Variants in STAU1 observed in about 807,000 individuals in gnomAD.
STAU1 encodes staufen double-stranded RNA binding protein 1.
Under a neutral mutation model 62.9 loss-of-function variants are expected in STAU1, and 13 were observed. The ratio of observed to expected loss-of-function variants is 0.21; its 90% confidence interval spans 0.13 to 0.33. The LOEUF (loss-of-function observed/expected upper bound fraction) is 0.33. Among genes scored for constraint, STAU1 ranks in the 10% least tolerant of loss-of-function variants. The pLI, the probability that STAU1 is intolerant of heterozygous loss-of-function variation, is 1.00. For missense variants in STAU1, 571 were observed against 712.1 expected (o/e 0.80, Z 2.25); for synonymous variants, 269 against 265.1 (o/e 1.01, Z -0.14).
At chr20:49,139,489 C>A (rs2092960581) in intron 5 of STAU1, among the ~76,000 whole-genome samples, 1 of 152,130 alleles carries the variant, frequency 6.6e-6, no homozygotes, top group Non-Finnish European at 1.5e-5. Flanking sequence ...CTTTGGGAGG[C>A]CGAAGCAGGT....
chr20:49,199,544 T>C, the STAU1 span, among the ~76,000 whole-genome samples: 1 of 151,640 alleles, frequency 6.6e-6, no homozygotes, highest in Non-Finnish European at 1.5e-5. Flanking sequence ...TATTTTATTC[T>C]TTATTTTTAT....
chr20:49,164,834 C>T (rs1185235826), intron 3 of STAU1, among the ~76,000 whole-genome samples: 1 of 152,038 alleles, frequency 6.6e-6, no homozygotes, highest in Non-Finnish European at 1.5e-5. Context: ...CTAATTGATC[C>T]TCATTATGAT....
At chr20:49,176,100 C>T (rs1165229945) in intron 1 of STAU1, among the ~76,000 whole-genome samples, 2 of 152,064 alleles carry the variant, frequency 1.3e-5, no homozygotes, top group Non-Finnish European at 2.9e-5. Flanking sequence ...GGCAATAATG[C>T]TTTTTAAAAG....
chr20:49,134,917 G>C (rs1191599591), intron 6 of STAU1: 3 of 1,593,586 alleles, frequency 1.9e-6, no homozygotes, highest in Non-Finnish European at 2.6e-6. Context: ...GACTTTGTGA[G>C]GAAGTTTTCG....
At chr20:49,162,621 A>C (rs1266243466) in intron 3 of STAU1, among the ~76,000 whole-genome samples, 1 of 150,496 alleles carries the variant, frequency 6.6e-6, no homozygotes, top group Non-Finnish European at 1.5e-5. Flanking sequence ...AAAAATACCA[A>C]AAAAATTAGC....
chr20:49,118,046 G>A lies in STAU1; in HGVS notation c.1240C>T (p.Pro414Ser). ...RMPYLSHQQLPAGILPMVPEV... is the reference protein window; with the variant it reads ...RMPYLSHQQLSAGILPMVPEV... ...GGCACCATGGGAAGAATTCCAGCAG[G>A]CAGCTGCTGATGACTTAGATAAGGC... Residue 414 changes from proline (P) to serine (S), a missense_variant, in exon 11 of 14, where the codon CCT becomes TCT. Physicochemically the swap from Pro to Ser is moderately conservative, Grantham distance 74. Transcript: ENST00000371856. The A allele has an allele frequency of 1.2e-6, 2 of 1,614,112 alleles. No homozygotes were observed. Among genetic ancestry groups the A allele is most frequent in the Non-Finnish European group, 1.7e-6 (2 of 1,180,028 alleles).
rs757240559 is a variant in STAU1, at chr20:49,115,862, C to A, written c.1638G>T (p.Ala546=). 6.2e-7 allele frequency: 1 copy of A among 1,613,958 alleles called. No individual in the cohort carries two copies. Among genetic ancestry groups the A allele is most frequent in the African/African-American group, 1.3e-5 (1 of 75,014 alleles). Residue 546 remains alanine, a synonymous_variant, in exon 13 of 14, where the codon GCG becomes GCT. Transcript: ENST00000371856. ...KDVESCHDMA[A]LNILKLLSEL... is the part of the protein sequence containing the mutation. ...CAGACAGCAACTTTAAGATGTTCAGCGCAGCCTAGTGGGGATGGAAAGAAG... is the reference window on the plus strand; with the variant it reads ...CAGACAGCAACTTTAAGATGTTCAGAGCAGCCTAGTGGGGATGGAAAGAAG...
chr20:49,143,337 A>G (rs969336388), intron 5 of STAU1, among the ~76,000 whole-genome samples: 3 of 152,122 alleles, frequency 2.0e-5, no homozygotes, highest in Non-Finnish European at 2.9e-5. Flanking sequence ...CATCCCTATA[A>G]TCTCTGCACT....
intron 1 of STAU1, among the ~76,000 whole-genome samples, chr20:49,181,066 C>T (rs1168456896): frequency 1.3e-5 from 2 of 152,156 alleles, no homozygotes; most frequent in Non-Finnish European, 1.5e-5. Flanking sequence ...TCTGGCCCCT[C>T]GGAAGCGCAT....
At chr20:49,128,281 A>C (rs1222332364) in intron 6 of STAU1, among the ~76,000 whole-genome samples, 1 of 152,200 alleles carries the variant, frequency 6.6e-6, no homozygotes, top group Non-Finnish European at 1.5e-5. Context: ...AGGTGAGATC[A>C]TGCCACTGCA....
chr20:49,211,772 T>G, the STAU1 span, among the ~76,000 whole-genome samples: 1 of 152,114 alleles, frequency 6.6e-6, no homozygotes, highest in Non-Finnish European at 1.5e-5. Context: ...CCTCCCAAAG[T>G]GCTGAGATTA....
At chr20:49,175,778 C>T (rs1435349310) in intron 1 of STAU1, among the ~76,000 whole-genome samples, 1 of 150,530 alleles carries the variant, frequency 6.6e-6, no homozygotes, top group Non-Finnish European at 1.5e-5. Context: ...CATGAGCCAC[C>T]ACACCCAACC....
chr20:49,176,633 C>A (rs118024160), intron 1 of STAU1, among the ~76,000 whole-genome samples: 2 of 152,246 alleles, frequency 1.3e-5, no homozygotes, highest in East Asian at 3.9e-4. Flanking sequence ...AGCTCAGGTT[C>A]TTTTCATAGA....
chr20:49,201,667 G>C, the STAU1 span, among the ~76,000 whole-genome samples: 1 of 151,026 alleles, frequency 6.6e-6, no homozygotes, highest in African/African-American at 2.4e-5. Context: ...GCTTGAATCC[G>C]GGAGGCAGAG....
At chr20:49,178,029 T>C (rs113069861) in intron 1 of STAU1, among the ~76,000 whole-genome samples, 84 of 151,800 alleles carry the variant, frequency 5.5e-4, no homozygotes, top group Non-Finnish European at 7.5e-4. Context: ...AGTTTAAAAC[T>C]AGCTAGGCAT....
the STAU1 span, among the ~76,000 whole-genome samples, chr20:49,205,550 G>C: frequency 6.6e-6 from 1 of 151,722 alleles, no homozygotes; most frequent in African/African-American, 2.4e-5. Context: ...ATTTTTAGTA[G>C]AGACGGGGTT....
intron 1 of STAU1, among the ~76,000 whole-genome samples, chr20:49,185,798 T>G (rs577529414): frequency 1.3e-5 from 2 of 152,306 alleles, no homozygotes; most frequent in Non-Finnish European, 2.9e-5. Flanking sequence ...ACCATTTCCC[T>G]ATTGAAATAT....
intron 5 of STAU1, among the ~76,000 whole-genome samples, chr20:49,147,732 C>CA: frequency 6.6e-6 from 1 of 152,304 alleles, no homozygotes; most frequent in Middle Eastern, 3.4e-3. Context: ...TAAAGCAGTG[C>CA]ATTCACATAG....
intron 1 of STAU1, among the ~76,000 whole-genome samples, chr20:49,184,703 G>A (rs1209223615): frequency 6.6e-6 from 1 of 152,074 alleles, no homozygotes; most frequent in Non-Finnish European, 1.5e-5. Context: ...AAGCTTAATG[G>A]GAAGCACTAC....
Sources: gnomAD v4.1 joint callset for allele counts (sites outside exome capture counted in the v4.1 genomes callset) on GRCh38, gnomAD v4.1.1 for gene constraint, MANE v1.5 for transcripts, NCBI Gene and HGNC (gene_info 2026-07-23, HGNC 2026-07-21) for gene names.